Variants in CD58 observed in about 807,000 individuals in gnomAD.
CD58 encodes lymphocyte function-associated antigen 3.
Under a neutral mutation model 27.6 loss-of-function variants are expected in CD58, and 14 were observed. The observed-to-expected ratio is 0.51, with a 90% CI of 0.34 to 0.79. The LOEUF (loss-of-function observed/expected upper bound fraction) is 0.79, where lower values mean the gene tolerates loss of function less well. Ranked by LOEUF, CD58 falls within the 30% of genes least tolerant of loss-of-function variation. The probability of loss-of-function intolerance (pLI) is 0.02; values close to 1 mark genes in which losing one functional copy is unlikely to be tolerated. For missense variants in CD58, 268 were observed against 301.7 expected, an observed-to-expected ratio of 0.89 and a Z score of 0.83; for synonymous variants, 117 against 103.8, an observed-to-expected ratio of 1.13 and a Z score of -0.77.
chr1:116,569,598 C>CTT lies in CD58; in HGVS notation c.70+1303_70+1304dup, dbSNP rs35150803. Among the ~76,000 whole-genome samples the CTT allele has an allele frequency of 1.4e-3, 158 of 110,866 alleles. 1 individual carries two copies. The highest frequency in any genetic ancestry group is 2.9e-3 in the South Asian group (10 of 3,504). The allele number at this position is 110,866 out of a possible 152,430, so 72.7% of individuals were successfully genotyped here. ...TTCCCTCTGTACCCTCACAGCTCAC[C>CTT]TTTTTTTTTTTTTTTTTTTTTTGAG... is the stretch of plus-strand genomic sequence containing the variant. On this transcript the variant is annotated intron_variant, in intron 1 of 5. Coordinates refer to ENST00000369489, the MANE Select transcript of CD58 (RefSeq NM_001779.3).
rs1409870347 is a variant in CD58 at position 116,515,942 on chromosome 1, G to A, written c.744-1120C>T. On this transcript the variant is annotated intron_variant, in intron 5 of 5. Transcript: ENST00000369489. The surrounding 1 kb of genome is among the most constrained non-coding windows in gnomAD (Gnocchi z 4.6). ...TAGTTCTTCCTGCTCCTGCCCTCGC[G>A]CAGCTGGGGAAATATTGCATTTGTT... Among the ~76,000 whole-genome samples, 3 of 152,098 alleles carry A rather than the reference G, an allele frequency of 2.0e-5. No homozygotes were observed. Among genetic ancestry groups the A allele is most frequent in the East Asian group, 1.9e-4 (1 of 5,180 alleles).
rs1657636869 is a variant in CD58 at position 116,532,246 on chromosome 1, G to T, written c.628+3719C>A. Among the ~76,000 whole-genome samples the T allele has an allele frequency of 6.6e-6, 1 of 152,188 alleles. No homozygotes were observed. Among genetic ancestry groups the T allele is most frequent in the African/African-American group, 2.4e-5 (1 of 41,426 alleles). The stretch of plus-strand genomic sequence containing the variant: ...AGGTCACCAGGGTGGTTCAGAAATG[G>T]CAAGGACGAGCGACAGCAAAAGGCC... On this transcript the variant is annotated intron_variant, in intron 3 of 5. Transcript: ENST00000369489. The surrounding 1 kb of genome is among the most constrained non-coding windows in gnomAD (Gnocchi z 5.1).
At position 116,541,359 on chromosome 1, in the gene CD58, T is replaced by C. The variant is rs2101185066; in HGVS notation, c.364+2952A>G. Among the ~76,000 whole-genome samples, 1 of 152,340 alleles carries C rather than the reference T, an allele frequency of 6.6e-6. No homozygotes were observed. The highest frequency in any genetic ancestry group is 2.4e-5 in the African/African-American group (1 of 41,574). On this transcript the variant is annotated intron_variant, in intron 2 of 5. Coordinates refer to ENST00000369489, the MANE Select transcript of CD58 (RefSeq NM_001779.3). The surrounding 1 kb of genome is among the most constrained non-coding windows in gnomAD (Gnocchi z 5.3). Reference sequence around the variant, plus strand: ...CTTTGACATCTTAGCAAGCTGTATTTGTCTAAATAGAGTCCACAGGGGTCA... The same window carrying C: ...CTTTGACATCTTAGCAAGCTGTATTCGTCTAAATAGAGTCCACAGGGGTCA...
In CD58 at chr1:116,527,322, C is replaced by T. The variant is rs543849931; in HGVS notation, c.629-5339G>A. Among the ~76,000 whole-genome samples, 24 of 152,250 alleles carry T rather than the reference C, an allele frequency of 1.6e-4. No individual in the cohort carries two copies. The highest frequency in any genetic ancestry group is 3.2e-4 in the Non-Finnish European group (22 of 68,002). ...TGTTAGCTGCAGGGTTTTTTGTAGG[C>T]ATTTGTTAACAAGTTGAAAAAGTTT... is the stretch of plus-strand genomic sequence containing the variant. On this transcript the variant is annotated intron_variant, in intron 3 of 5. Coordinates refer to ENST00000369489, the MANE Select transcript of CD58 (RefSeq NM_001779.3). The surrounding 1 kb of genome is among the most constrained non-coding windows in gnomAD (Gnocchi z 4.4).
In CD58 at chr1:116,536,264, A is replaced by G; in HGVS notation, c.365-36T>C. On this transcript the variant is annotated intron_variant, in intron 2 of 5. Coordinates refer to ENST00000369489, the MANE Select transcript of CD58 (RefSeq NM_001779.3). This position sits in a 1 kb window ranked among gnomAD's most constrained non-coding sequence, Gnocchi z 5.4. ...AAGTATAATATTTAGTACAGAAAAT[A>G]GTAATATTTAGACTTATCATCTGCA... The G allele has an allele frequency of 1.3e-6, 2 of 1,508,720 alleles. No individual in the cohort carries two copies. The highest frequency in any genetic ancestry group is 1.8e-6 in the Non-Finnish European group (2 of 1,110,510). The allele number at this position is 1,508,720 out of a possible 1,614,324, so 93.5% of individuals were successfully genotyped here. A position where few individuals can be genotyped will look rare whatever the true frequency, so the allele number is the denominator to read the frequency against.
At position 116,563,013 on chromosome 1, in the gene CD58, C is replaced by T. The variant is rs61610290; in HGVS notation, c.70+7890G>A. Among the ~76,000 whole-genome samples, 99 of 152,278 alleles carry T rather than the reference C, an allele frequency of 6.5e-4. No homozygotes were observed. Among genetic ancestry groups the T allele is most frequent in the African/African-American group, 2.3e-3 (95 of 41,550 alleles). On this transcript the variant is annotated intron_variant, in intron 1 of 5. Coordinates refer to ENST00000369489, the MANE Select transcript of CD58 (RefSeq NM_001779.3). The surrounding 1 kb of genome is among the most constrained non-coding windows in gnomAD (Gnocchi z 4.1). ...CATCGGAGATAAGGCAAGTACCTTC[C>T]ACCTATGAGCCTGTAAAATCAAAGG...
At chr1:116,530,957 A>G (rs1657583053) in intron 3 of CD58, among the ~76,000 whole-genome samples, 1 of 152,228 alleles carries the variant, frequency 6.6e-6, no homozygotes, top group African/African-American at 2.4e-5. Flanking sequence ...ATTTAAACCT[A>G]AGACCTATCA....
At chr1:116,569,368 G>T (rs973007643) in intron 1 of CD58, among the ~76,000 whole-genome samples, 1 of 152,096 alleles carries the variant, frequency 6.6e-6, no homozygotes, top group Non-Finnish European at 1.5e-5. Context: ...CTTCCCAGGC[G>T]CATGGTCCTG....
At chr1:116,526,574 C>A (rs1241672245) in intron 3 of CD58, among the ~76,000 whole-genome samples, 1 of 152,188 alleles carries the variant, frequency 6.6e-6, no homozygotes, top group Non-Finnish European at 1.5e-5. Context: ...ACCAGTACCA[C>A]ACTATGTTGA....
At chr1:116,533,747 G>A (rs1209676963) in intron 3 of CD58, 4 of 704,960 alleles carry the variant, frequency 5.7e-6, no homozygotes, top group Non-Finnish European at 1.0e-5. Flanking sequence ...TCAGATGTTG[G>A]TTCAACATCA....
rs956043780 is a variant in CD58, at chr1:116,534,447, G to T, written c.628+1518C>A. On this transcript the variant is annotated intron_variant, in intron 3 of 5. Transcript: ENST00000369489. The surrounding 1 kb of genome is among the most constrained non-coding windows in gnomAD (Gnocchi z 5.3). ...GGGTGCGCCGCGGCCCTCCGGGTAC[G>T]CGGGGCTGGCTGGGCTAGCGGGAGA... Among the ~76,000 whole-genome samples, 1 of 152,196 alleles carries T rather than the reference G, an allele frequency of 6.6e-6. No homozygotes were observed. Among genetic ancestry groups the T allele is most frequent in the African/African-American group, 2.4e-5 (1 of 41,446 alleles).
chr1:116,518,603 G>T, intron 5 of CD58: 1 of 881,758 alleles, frequency 1.1e-6, no homozygotes, highest in Non-Finnish European at 1.4e-6. Context: ...TCACACCCTG[G>T]GCCTTAACTC....
chr1:116,519,085 T>C lies in CD58; in HGVS notation c.743+146A>G. The C allele has an allele frequency of 6.8e-7, 1 of 1,475,276 alleles. No individual in the cohort carries two copies. Among genetic ancestry groups the C allele is most frequent in the South Asian group, 1.4e-5 (1 of 73,166 alleles). 91.4% of individuals were successfully genotyped at this position (1,475,276 alleles called of 1,614,324 possible). A position where few individuals can be genotyped will look rare whatever the true frequency, so the allele number is the denominator to read the frequency against. ...GGCACACAGTTGGTACTTAATACAC[T>C]ATGGTTAGTATATCTGCTGATGTTA... is the stretch of plus-strand genomic sequence containing the variant. On this transcript the variant is annotated intron_variant, in intron 5 of 5. Coordinates refer to ENST00000369489, the MANE Select transcript of CD58 (RefSeq NM_001779.3). This position sits in a 1 kb window ranked among gnomAD's most constrained non-coding sequence, Gnocchi z 4.7.
intron 1 of CD58, among the ~76,000 whole-genome samples, chr1:116,565,589 A>G (rs186977947): frequency 7.9e-5 from 12 of 152,208 alleles, no homozygotes; most frequent in Admixed American, 6.5e-4. Flanking sequence ...AGTGATAGGG[A>G]ATGATTTTCC....
At chr1:116,545,806 G>A (rs1658148827) in intron 1 of CD58, among the ~76,000 whole-genome samples, 1 of 152,168 alleles carries the variant, frequency 6.6e-6, no homozygotes, top group Non-Finnish European at 1.5e-5. Context: ...ACATTTATTA[G>A]AACCACAAGA....
Position 116,552,314 on chromosome 1 carries a change from A to G in CD58, c.71-7710T>C, listed in dbSNP as rs142588657. On this transcript the variant is annotated intron_variant, in intron 1 of 5. Coordinates refer to ENST00000369489, the MANE Select transcript of CD58 (RefSeq NM_001779.3). This position sits in a 1 kb window ranked among gnomAD's most constrained non-coding sequence, Gnocchi z 4.5. ...CCGTCTTATACGCATGGTTCTTGGC[A>G]TCCCAAAACAATGACAACAGTAACA... Among the ~76,000 whole-genome samples, 251 of 152,342 alleles carry G rather than the reference A, an allele frequency of 1.6e-3. 1 individual carries two copies. Among genetic ancestry groups the G allele is most frequent in the African/African-American group, 5.7e-3 (237 of 41,582 alleles).
chr1:116,541,869 C>T lies in CD58; in HGVS notation c.364+2442G>A, dbSNP rs1049218186. Among the ~76,000 whole-genome samples, 8 of 152,220 alleles carry T rather than the reference C, an allele frequency of 5.3e-5. No individual in the cohort carries two copies. Among genetic ancestry groups the T allele is most frequent in the East Asian group, 3.9e-4 (2 of 5,182 alleles). On this transcript the variant is annotated intron_variant, in intron 2 of 5. Transcript: ENST00000369489. The surrounding 1 kb of genome is among the most constrained non-coding windows in gnomAD (Gnocchi z 5.3). Reference sequence around the variant, plus strand: ...GATGAGCTCACCCACTGGCTATGAACGCAGACAGAAAAGGAAAGAGACCTA... The same window carrying T: ...GATGAGCTCACCCACTGGCTATGAATGCAGACAGAAAAGGAAAGAGACCTA...
At position 116,570,888 on chromosome 1, in the gene CD58, G is replaced by A. The variant is rs1194695786; in HGVS notation, c.70+15C>T. On this transcript the variant is annotated intron_variant, in intron 1 of 5. Coordinates refer to ENST00000369489, the MANE Select transcript of CD58 (RefSeq NM_001779.3). The surrounding 1 kb of genome is among the most constrained non-coding windows in gnomAD (Gnocchi z 6.4). ...CGCCGGCCGGCGCGGGGCCCCTGGG[G>A]CAGGCTTCACTCACCAAAGCAGTGC... 5.2e-6 allele frequency: 8 copies of A among 1,546,200 alleles called. No individual in the cohort carries two copies. The highest frequency in any genetic ancestry group is 2.4e-5 in the East Asian group (1 of 41,008).
In CD58 at chr1:116,531,171, T is replaced by G. The variant is rs137864987; in HGVS notation, c.628+4794A>C. Among the ~76,000 whole-genome samples, 72 of 152,348 alleles carry G rather than the reference T, an allele frequency of 4.7e-4. No homozygotes were observed. The highest frequency in any genetic ancestry group is 1.6e-3 in the African/African-American group (67 of 41,584). ...CTATTTACAGGGAAAGTAATCTTAC[T>G]TTCAGTAAGAGTAATTTTACTTTGT... On this transcript the variant is annotated intron_variant, in intron 3 of 5. Coordinates refer to ENST00000369489, the MANE Select transcript of CD58 (RefSeq NM_001779.3). This position sits in a 1 kb window ranked among gnomAD's most constrained non-coding sequence, Gnocchi z 4.5.
Sources: gnomAD v4.1 joint callset for allele counts (sites outside exome capture counted in the v4.1 genomes callset) on GRCh38, gnomAD v4.1.1 for gene constraint, Gnocchi (gnomAD v3.1) non-coding constraint, MANE v1.5 for transcripts, NCBI Gene and HGNC (gene_info 2026-07-23, HGNC 2026-07-21) for gene names.